FER: variants seen among roughly 807,000 people sequenced by gnomAD.
FER encodes tyrosine-protein kinase Fer.
Under a neutral mutation model 111.0 loss-of-function variants are expected in FER, and 63 were observed. The ratio of observed to expected loss-of-function variants is 0.57; its 90% CI spans 0.46 to 0.70. The LOEUF (loss-of-function observed/expected upper bound fraction) is 0.70, where lower values mean the gene tolerates loss of function less well. FER is among the 30% of genes least tolerant of loss of function. FER has a pLI of 0.00. For synonymous variants in FER, 327 were observed against 313.9 expected (o/e 1.04, Z -0.44); for missense variants, 914 against 954.0 (o/e 0.96, Z 0.55).
At chr5:109,072,643 A>T (rs1775901175) in intron 16 of FER, among the ~76,000 whole-genome samples, 1 of 151,920 alleles carries the variant, frequency 6.6e-6, no homozygotes, top group Admixed American at 6.6e-5. Flanking sequence ...CAGCTATCGG[A>T]CTCAAAGGAA....
chr5:108,947,171 T>G (rs1386085577), intron 11 of FER, among the ~76,000 whole-genome samples: 1 of 152,060 alleles, frequency 6.6e-6, no homozygotes, highest in African/African-American at 2.4e-5. Context: ...TTCAAGTGTT[T>G]TTCTGTGTAT....
At chr5:108,947,087 A>G (rs767930037) in intron 11 of FER, among the ~76,000 whole-genome samples, 8 of 152,018 alleles carry the variant, frequency 5.3e-5, no homozygotes, top group Non-Finnish European at 8.8e-5. Context: ...TTGTCTATCT[A>G]TTCACCAGCT....
At chr5:109,026,202 A>G (rs944203588) in intron 13 of FER, among the ~76,000 whole-genome samples, 4 of 152,212 alleles carry the variant, frequency 2.6e-5, no homozygotes, top group African/African-American at 9.6e-5. Context: ...GAATGATAGG[A>G]TAAAATAAAT....
At chr5:109,147,800 T>TATAGAGAGAG (rs1487827199) in intron 17 of FER, among the ~76,000 whole-genome samples, 7 of 118,608 alleles carry the variant, frequency 5.9e-5, no homozygotes, top group African/African-American at 1.9e-4. Context: ...TATATATATA[T>TATAGAGAGAG]AGAGAGAGAG....
At chr5:108,872,852 A>G (rs1264385729) in intron 8 of FER, among the ~76,000 whole-genome samples, 1 of 152,202 alleles carries the variant, frequency 6.6e-6, no homozygotes, top group African/African-American at 2.4e-5. Context: ...TGTGGGAGCA[A>G]CACAAGGAAA....
intron 10 of FER, among the ~76,000 whole-genome samples, chr5:108,900,558 G>T (rs1749860331): frequency 6.6e-6 from 1 of 152,160 alleles, no homozygotes; most frequent in African/African-American, 2.4e-5. Flanking sequence ...AGAATTGGAA[G>T]AACTCAAAAT....
At chr5:108,808,413 A>G (rs149371549) in intron 3 of FER, among the ~76,000 whole-genome samples, 66 of 152,116 alleles carry the variant, frequency 4.3e-4, no homozygotes, top group African/African-American at 1.6e-3. Context: ...TGATATAAGA[A>G]TAGCTTCACT....
At position 109,104,956 on chromosome 5, in the gene FER, G is replaced by C. The variant is rs188703649; in HGVS notation, c.2048+4437G>C. 1.6e-3 allele frequency among the ~76,000 whole-genome samples: 240 copies of C among 152,046 alleles called. 1 individual carries two copies. Among genetic ancestry groups the C allele is most frequent in the African/African-American group, 5.6e-3 (231 of 41,458 alleles). Reference sequence around the variant, plus strand: ...GACAGGGTTTCACCATGTTAGCCAGGATGGTCTCAATCTCCTGACCTCGTG... The same window carrying C: ...GACAGGGTTTCACCATGTTAGCCAGCATGGTCTCAATCTCCTGACCTCGTG... On this transcript the variant is annotated intron_variant, in intron 17 of 19. Transcript: ENST00000281092.
At chr5:109,146,124 G>T (rs1416761901) in intron 17 of FER, among the ~76,000 whole-genome samples, 1 of 139,498 alleles carries the variant, frequency 7.2e-6, no homozygotes, top group African/African-American at 2.6e-5. Flanking sequence ...CATTTTAATT[G>T]TCTGAATTTA....
intron 3 of FER, among the ~76,000 whole-genome samples, chr5:108,827,269 A>C (rs936828695): frequency 5.3e-5 from 8 of 152,212 alleles, no homozygotes; most frequent in African/African-American, 1.7e-4. Flanking sequence ...TGCAAGAGTG[A>C]GAGCCTGCCA....
chr5:108,913,311 GTGTGACTC>G (rs1426728037), intron 10 of FER, among the ~76,000 whole-genome samples: 1 of 152,156 alleles, frequency 6.6e-6, no homozygotes, highest in Non-Finnish European at 1.5e-5. Context: ...TTAGTTAAAT[GTGTGACTC>G]ACTCTACATA....
chr5:109,017,982 A>G (rs1019765977), intron 13 of FER, among the ~76,000 whole-genome samples: 2 of 151,866 alleles, frequency 1.3e-5, no homozygotes, highest in Non-Finnish European at 2.9e-5. Context: ...TTCTCTTTTT[A>G]AAAACCCTAT....
intron 13 of FER, among the ~76,000 whole-genome samples, chr5:109,026,925 C>T (rs554058473): frequency 6.6e-6 from 1 of 152,046 alleles, no homozygotes; most frequent in African/African-American, 2.4e-5. Context: ...GTGAACTGCC[C>T]ACCTCGGCCT....
At chr5:109,095,994 T>A (rs1291119469) in intron 16 of FER, among the ~76,000 whole-genome samples, 1 of 152,122 alleles carries the variant, frequency 6.6e-6, no homozygotes, top group Non-Finnish European at 1.5e-5. Flanking sequence ...TTAAGATCCC[T>A]ATGATTCAAT....
At chr5:108,908,711 A>G (rs1188319089) in intron 10 of FER, among the ~76,000 whole-genome samples, 4 of 145,518 alleles carry the variant, frequency 2.7e-5, no homozygotes, top group Non-Finnish European at 4.5e-5. Flanking sequence ...AGTGAGCGAG[A>G]CTCCGTCTCA....
intron 10 of FER, among the ~76,000 whole-genome samples, chr5:108,899,183 AT>A (rs1749636790): frequency 6.6e-6 from 1 of 152,090 alleles, no homozygotes; most frequent in Non-Finnish European, 1.5e-5. Context: ...TTACTATTAA[AT>A]ATTAAAATTA....
At chr5:109,181,741 A>G (rs1758314017) in intron 18 of FER, among the ~76,000 whole-genome samples, 1 of 152,176 alleles carries the variant, frequency 6.6e-6, no homozygotes, top group Admixed American at 6.5e-5. Flanking sequence ...AAGCTTTTTT[A>G]AAAAATTGAG....
At chr5:108,760,841 G>A (rs1191486048) in intron 1 of FER, among the ~76,000 whole-genome samples, 1 of 152,138 alleles carries the variant, frequency 6.6e-6, no homozygotes, top group Non-Finnish European at 1.5e-5. Flanking sequence ...TTCACTGGAG[G>A]AGCACTTTTA....
At chr5:108,938,823 A>T (rs1755872054) in intron 10 of FER, among the ~76,000 whole-genome samples, 1 of 152,048 alleles carries the variant, frequency 6.6e-6, no homozygotes, top group South Asian at 2.1e-4. Context: ...CCATGTGATG[A>T]TAGTGTCCAA....
Sources: gnomAD v4.1 joint callset for allele counts (sites outside exome capture counted in the v4.1 genomes callset) on GRCh38, gnomAD v4.1.1 for gene constraint, MANE v1.5 for transcripts, NCBI Gene and HGNC (gene_info 2026-07-23, HGNC 2026-07-21) for gene names.